Variants in SLIT1 observed in about 807,000 individuals in gnomAD.
SLIT1 encodes the protein slit guidance ligand 1.
Under a neutral mutation model 186.1 loss-of-function variants are expected in SLIT1, and 66 were observed. The ratio of observed to expected loss-of-function variants is 0.35; its 90% CI spans 0.29 to 0.44. The LOEUF is 0.44. Ranked by LOEUF, SLIT1 falls within the 20% of genes least tolerant of loss-of-function variation. The pLI, the probability that SLIT1 is intolerant of heterozygous loss-of-function variation, is 1.00. For synonymous variants in SLIT1, 761 were observed against 833.8 expected (o/e 0.91, Z 1.50); for missense variants, 1,638 against 2,037.4 (o/e 0.80, Z 3.77).
At chr10:97,048,923 A>G (rs1554846975) in intron 14 of SLIT1, 32 bp downstream of exon 14, 9 of 1,592,972 alleles carry the variant, frequency 5.6e-6, no homozygotes, top group Middle Eastern at 1.9e-4. Context: ...AGGTAGGTGG[A>G]CAGGTGGGCA....
intron 4 of SLIT1, among the ~76,000 whole-genome samples, chr10:97,125,303 T>C (rs986774047): frequency 1.4e-5 from 2 of 145,246 alleles, no homozygotes; most frequent in African/African-American, 2.5e-5. Context: ...AACAATGTAA[T>C]GTCCCTCCAT....
intron 4 of SLIT1, among the ~76,000 whole-genome samples, chr10:97,070,135 A>G (rs1848988277): frequency 6.6e-6 from 1 of 152,200 alleles, no homozygotes; most frequent in Non-Finnish European, 1.5e-5. Context: ...CCTTCAGATG[A>G]CACAACCCCC....
intron 4 of SLIT1, among the ~76,000 whole-genome samples, chr10:97,126,353 G>A (rs963494659): frequency 6.6e-5 from 10 of 152,158 alleles, no homozygotes; most frequent in Non-Finnish European, 1.3e-4. Flanking sequence ...CGGATGCAGC[G>A]CCCACTGCTT....
intron 3 of SLIT1, among the ~76,000 whole-genome samples, chr10:97,162,031 CT>C (rs1228918742): frequency 3.3e-5 from 5 of 152,114 alleles, no homozygotes; most frequent in Non-Finnish European, 5.9e-5. Flanking sequence ...TAATAATAAA[CT>C]TGTCATAAGA....
intron 4 of SLIT1, among the ~76,000 whole-genome samples, chr10:97,148,267 T>C (rs1191591988): frequency 1.3e-5 from 2 of 151,928 alleles, no homozygotes; most frequent in Non-Finnish European, 2.9e-5. Context: ...TTATAATAAT[T>C]ACATATTGCT....
At chr10:97,046,843 G>A (rs200800246) in intron 17 of SLIT1, 46 bp from the exon 18 acceptor site, 8 of 1,602,592 alleles carry the variant, frequency 5.0e-6, no homozygotes, top group Non-Finnish European at 6.8e-6. Context: ...CAGCAGCCAG[G>A]AGCTCAGGCC....
chr10:97,093,234 G>T (rs1244012149), intron 4 of SLIT1, among the ~76,000 whole-genome samples: 1 of 152,254 alleles, frequency 6.6e-6, no homozygotes, highest in Non-Finnish European at 1.5e-5. Flanking sequence ...GTGGATAGGG[G>T]AAGGGGAAAA....
chr10:97,055,934 T>C (rs961174416), intron 13 of SLIT1, among the ~76,000 whole-genome samples: 1 of 152,196 alleles, frequency 6.6e-6, no homozygotes, highest in African/African-American at 2.4e-5. Context: ...ACATGTGTCT[T>C]AGAATCAGCG....
intron 36 of SLIT1, 99 bp from the exon 37 acceptor site, chr10:97,001,449 C>A: frequency 1.1e-6 from 1 of 879,668 alleles, no homozygotes; most frequent in Non-Finnish European, 1.8e-6. Context: ...AGGGCAGCAT[C>A]TGTGGGGTGG....
intron 4 of SLIT1, among the ~76,000 whole-genome samples, chr10:97,097,328 C>G (rs1034030349): frequency 5.3e-5 from 8 of 152,230 alleles, no homozygotes; most frequent in African/African-American, 1.9e-4. Flanking sequence ...GGGAATGCAT[C>G]TGGCTCATTT....
intron 25 of SLIT1, among the ~76,000 whole-genome samples, chr10:97,025,417 A>G (rs1299539542): frequency 6.6e-6 from 1 of 152,212 alleles, no homozygotes; most frequent in Non-Finnish European, 1.5e-5. Flanking sequence ...TACTGAATAG[A>G]CTCTGAGCCA....
intron 4 of SLIT1, among the ~76,000 whole-genome samples, chr10:97,082,291 C>G (rs560376048): frequency 3.3e-5 from 5 of 152,134 alleles, no homozygotes; most frequent in Non-Finnish European, 7.3e-5. Context: ...GTGTGACACA[C>G]GATTGTTATT....
chr10:97,140,767 A>G (rs1849750044), intron 4 of SLIT1, among the ~76,000 whole-genome samples: 1 of 152,222 alleles, frequency 6.6e-6, no homozygotes, highest in Non-Finnish European at 1.5e-5. Context: ...GGTTTTGCCC[A>G]GGGATAAACC....
intron 13 of SLIT1, among the ~76,000 whole-genome samples, chr10:97,054,004 A>T (rs188915953): frequency 6.6e-6 from 1 of 152,032 alleles, no homozygotes; most frequent in African/African-American, 2.4e-5. Context: ...TCTATAAAGG[A>T]ATACCTGAGA....
chr10:97,173,239 G>A (rs1589421939), intron 1 of SLIT1, among the ~76,000 whole-genome samples: 2 of 152,232 alleles, frequency 1.3e-5, no homozygotes, highest in East Asian at 3.9e-4. Context: ...CTTCAGGAGA[G>A]CCAGGGTAGC....
chr10:97,030,103 C>T (rs1848578236), intron 25 of SLIT1, among the ~76,000 whole-genome samples: 1 of 152,178 alleles, frequency 6.6e-6, no homozygotes, highest in African/African-American at 2.4e-5. Context: ...CTGTTTGAGT[C>T]CCTGCTTTCC....
chr10:97,109,767 C>T (rs1474183419), intron 4 of SLIT1, among the ~76,000 whole-genome samples: 1 of 152,176 alleles, frequency 6.6e-6, no homozygotes, highest in Non-Finnish European at 1.5e-5. Flanking sequence ...TCTCATTTCC[C>T]TTCTGTAGCA....
In SLIT1 at chr10:97,000,918, ACCCCCGCTGC is replaced by A; in HGVS notation, c.*184_*193del. On this transcript the variant is annotated 3_prime_UTR_variant, in exon 37 of 37. Transcript: ENST00000266058. ...GCAGCCCGCAGCTCAGGCCTCGCCC[ACCCCCGCTGC>A]CCCCAGCTATGGCGCAATTTGCTTT... The A allele has an allele frequency of 1.7e-6, 1 of 594,072 alleles. No individual in the cohort carries two copies. Among genetic ancestry groups the A allele is most frequent in the African/African-American group, 1.9e-5 (1 of 53,856 alleles). The allele number at this position is 594,072 out of a possible 1,614,324, so 36.8% of individuals were successfully genotyped here. A position where few individuals can be genotyped will look rare whatever the true frequency, so the allele number is the denominator to read the frequency against.
intron 25 of SLIT1, among the ~76,000 whole-genome samples, chr10:97,023,863 A>G (rs1848522244): frequency 6.6e-6 from 1 of 151,946 alleles, no homozygotes. Context: ...CAATCACTTA[A>G]CCCGGGAGGG....
Sources: allele counts gnomAD v4.1 joint callset (sites outside exome capture counted in the v4.1 genomes callset), GRCh38; gene constraint gnomAD v4.1.1; transcripts MANE v1.5; gene names NCBI Gene and HGNC (gene_info 2026-07-23, HGNC 2026-07-21).